Variants in CHST12 observed in about 807,000 individuals in gnomAD.
The protein encoded by CHST12 is carbohydrate (chondroitin 4) sulfotransferase 12.
CHST12 carries 23 observed loss-of-function variants against 27.9 expected under a neutral mutation model. The observed-to-expected ratio is 0.82, with a 90% CI of 0.59 to 1.17. The LOEUF (loss-of-function observed/expected upper bound fraction) is 1.17, where lower values mean the gene tolerates loss of function less well. Among genes scored for constraint, CHST12 ranks in the 50% most tolerant of loss-of-function variants. CHST12 has a pLI of 0.00. For missense variants in CHST12, 682 were observed against 603.0 expected (o/e 1.13, Z -1.37); for synonymous variants, 322 against 273.0 (o/e 1.18, Z -1.77).
Position 2,433,925 on chromosome 7 carries a change from C to T in CHST12, c.*41C>T, listed in dbSNP as rs762459051. 11 of 1,513,500 alleles carry T rather than the reference C, an allele frequency of 7.3e-6. No homozygotes were observed. The highest frequency in any genetic ancestry group is 3.9e-5 in the South Asian group (3 of 77,470). The allele number at this position is 1,513,500 out of a possible 1,614,324, so 93.8% of individuals were successfully genotyped here. On this transcript the variant is annotated 3_prime_UTR_variant, in exon 2 of 2. Transcript: ENST00000618655. This position sits in a 1 kb window ranked among gnomAD's most constrained non-coding sequence, Gnocchi z 6.1. ...TTTTTCTCGCGTGCCTGGAACCTGA[C>T]GCACGCGCACTCCAGTTTTTTTATG... is the stretch of plus-strand genomic sequence containing the variant.
chr7:2,427,465 C>T (rs1416053729), intron 1 of CHST12, among the ~76,000 whole-genome samples: 1 of 150,138 alleles, frequency 6.7e-6, no homozygotes, highest in East Asian at 2.0e-4. Flanking sequence ...TGTGCCACTG[C>T]ACTCCAGCTT....
chr7:2,441,690 CTTA>C lies in CHST12; in HGVS notation c.*7807_*7809del, dbSNP rs1782609631. The C allele has an allele frequency of 1.3e-5, 1 of 75,556 alleles. No individual in the cohort carries two copies. Among genetic ancestry groups the C allele is most frequent in the African/African-American group, 6.2e-5 (1 of 16,180 alleles). The allele number at this position is 75,556 out of a possible 1,614,324, so 4.7% of individuals were successfully genotyped here. A position where few individuals can be genotyped will look rare whatever the true frequency, so the allele number is the denominator to read the frequency against. ...CCTGGGTGACAGAGCAAGATCTTGT[CTTA>C]AAAAAAAAAAAAAAAAAAAAGGTGT... On this transcript the variant is annotated 3_prime_UTR_variant, in exon 2 of 2. Transcript: ENST00000618655.
chr7:2,421,426 T>G (rs78202437), intron 1 of CHST12, among the ~76,000 whole-genome samples: 1 of 142,280 alleles, frequency 7.0e-6, no homozygotes, highest in Non-Finnish European at 1.5e-5. Flanking sequence ...TTTAGTTTGG[T>G]TTTTTTTTTT....
At chr7:2,431,890 C>A (rs1385735791) in intron 1 of CHST12, among the ~76,000 whole-genome samples, 1 of 152,064 alleles carries the variant, frequency 6.6e-6, no homozygotes, top group African/African-American at 2.4e-5. Flanking sequence ...ACCCCTCTTA[C>A]TTATGACACC....
At chr7:2,406,944 G>A (rs895600075) in intron 1 of CHST12, among the ~76,000 whole-genome samples, 3 of 151,270 alleles carry the variant, frequency 2.0e-5, no homozygotes, top group African/African-American at 7.3e-5. Flanking sequence ...GGAGGTGAGC[G>A]AAAATATCGC....
chr7:2,429,792 C>G (rs1323178596), intron 1 of CHST12, among the ~76,000 whole-genome samples: 1 of 151,238 alleles, frequency 6.6e-6, no homozygotes, highest in African/African-American at 2.4e-5. Flanking sequence ...TTTTGTTTTT[C>G]TTTTGAGACA....
intron 1 of CHST12, among the ~76,000 whole-genome samples, chr7:2,430,054 A>G (rs747160999): frequency 1.3e-5 from 2 of 152,142 alleles, no homozygotes; most frequent in African/African-American, 4.8e-5. Flanking sequence ...AAGTGCTAGG[A>G]TTATAGGAGA....
At position 2,425,623 on chromosome 7, in the gene CHST12, G is replaced by A. The variant is rs181042260; in HGVS notation, c.-77-6940G>A. ...TGAGTCACCTGTAAGGCCCACACGC[G>A]GGACAGGTGCAGGGGGCCCACATCT... On this transcript the variant is annotated intron_variant, in intron 1 of 1. Coordinates refer to ENST00000618655, the MANE Select transcript of CHST12 (RefSeq NM_018641.5). Among the ~76,000 whole-genome samples, 10 of 152,088 alleles carry A rather than the reference G, an allele frequency of 6.6e-5. No individual in the cohort carries two copies. In the East Asian group the frequency reaches 1.5e-3, roughly 23 times the overall value.
At chr7:2,422,138 C>T (rs1275386003) in intron 1 of CHST12, among the ~76,000 whole-genome samples, 3 of 152,224 alleles carry the variant, frequency 2.0e-5, no homozygotes, top group African/African-American at 7.2e-5. Context: ...GGCGATGTGA[C>T]TGACTCCCCT....
chr7:2,428,857 C>T (rs1174183365), intron 1 of CHST12, among the ~76,000 whole-genome samples: 1 of 152,188 alleles, frequency 6.6e-6, no homozygotes, highest in African/African-American at 2.4e-5. Context: ...TGAAGCTAGA[C>T]AGCCAGTTAG....
chr7:2,432,572 A>T lies in CHST12; in HGVS notation c.-68A>T. ...GTCATTGCATCTGCAGGTTCCCAGC[A>T]GGATGCCCCGGCTCTGCAGGAAGCT... On this transcript the variant is annotated 5_prime_UTR_variant, in exon 2 of 2. Transcript: ENST00000618655. 2.0e-6 allele frequency: 3 copies of T among 1,516,546 alleles called. No homozygotes were observed. The highest frequency in any genetic ancestry group is 2.7e-6 in the Non-Finnish European group (3 of 1,123,876). The allele number at this position is 1,516,546 out of a possible 1,614,324, so 93.9% of individuals were successfully genotyped here.
chr7:2,422,851 T>A (rs558212585), intron 1 of CHST12, among the ~76,000 whole-genome samples: 3,873 of 151,950 alleles, frequency 0.025, 125 homozygotes, highest in African/African-American at 0.08. Context: ...GCTGCTTTCT[T>A]AGCCTTCAGA....
At position 2,433,914 on chromosome 7, in the gene CHST12, C is replaced by A; in HGVS notation, c.*30C>A. ...TTTCGCGTTGCTTTTTCTCGCGTGCCTGGAACCTGACGCACGCGCACTCCA... is the reference window on the plus strand; with the variant it reads ...TTTCGCGTTGCTTTTTCTCGCGTGCATGGAACCTGACGCACGCGCACTCCA... On this transcript the variant is annotated 3_prime_UTR_variant, in exon 2 of 2. Transcript: ENST00000618655. The surrounding 1 kb of genome is among the most constrained non-coding windows in gnomAD (Gnocchi z 6.1). 6.5e-7 allele frequency: 1 copy of A among 1,535,902 alleles called. No individual in the cohort carries two copies. Among genetic ancestry groups the A allele is most frequent in the Non-Finnish European group, 8.8e-7 (1 of 1,140,816 alleles).
intron 1 of CHST12, among the ~76,000 whole-genome samples, chr7:2,432,361 G>A (rs867058046): frequency 2.0e-5 from 3 of 152,030 alleles, no homozygotes; most frequent in Admixed American, 6.6e-5. Context: ...TGGCGTCCAG[G>A]GTCATTACTG....
intron 1 of CHST12, among the ~76,000 whole-genome samples, chr7:2,415,884 G>T (rs1178773198): frequency 6.6e-6 from 1 of 152,140 alleles, no homozygotes; most frequent in African/African-American, 2.4e-5. Flanking sequence ...AAAGTGCTGG[G>T]ATTACAAGCG....
rs1459470272 is a variant in CHST12 at position 2,443,728 on chromosome 7, G to C, written c.*9844G>C. 1 of 152,220 alleles carries C rather than the reference G, an allele frequency of 6.6e-6. No homozygotes were observed. The highest frequency in any genetic ancestry group is 6.5e-5 in the Admixed American group (1 of 15,274). 9.4% of individuals were successfully genotyped at this position (152,220 alleles called of 1,614,324 possible). ...GACAGAGCTGCTTCCCTCCTGTTGG[G>C]TCTCTGGCGGACAGTCAGGTATGCT... On this transcript the variant is annotated 3_prime_UTR_variant, in exon 2 of 2. Transcript: ENST00000618655.
At chr7:2,409,464 A>C (rs1781608202) in intron 1 of CHST12, among the ~76,000 whole-genome samples, 2 of 151,966 alleles carry the variant, frequency 1.3e-5, no homozygotes, top group Non-Finnish European at 2.9e-5. Context: ...AAAATACAAA[A>C]ATTAGCCAGA....
upstream of CHST12, chr7:2,403,472 C>A (rs1174336399): frequency 2.0e-5 from 3 of 151,540 alleles, no homozygotes; most frequent in Non-Finnish European, 3.0e-5. Context: ...GCTGGCCGGG[C>A]GCAGGCGCGC....
chr7:2,433,088 C>A lies in CHST12; in HGVS notation c.449C>A (p.Pro150His). ...PTKERAFDDI[P>H]NSELSHLIVD... Reference sequence around the variant, plus strand: ...AAGGAGCGCGCATTCGACGACATCCCCAACTCGGAGCTGAGCCACCTGATC... The same window carrying A: ...AAGGAGCGCGCATTCGACGACATCCACAACTCGGAGCTGAGCCACCTGATC... The change falls in exon 2 of 2, where the codon CCC (proline) becomes CAC (histidine). Residue 150 changes from proline to histidine, a missense_variant. Transcript: ENST00000618655. The surrounding 1 kb of genome is among the most constrained non-coding windows in gnomAD (Gnocchi z 6.1). The A allele has an allele frequency of 6.2e-7, 1 of 1,612,558 alleles. No individual in the cohort carries two copies. The highest frequency in any genetic ancestry group is 8.5e-7 in the Non-Finnish European group (1 of 1,179,678).
Sources: allele counts gnomAD v4.1 joint callset (sites outside exome capture counted in the v4.1 genomes callset), GRCh38; gene constraint gnomAD v4.1.1; non-coding constraint Gnocchi (gnomAD v3.1); transcripts MANE v1.5; gene names NCBI Gene and HGNC (gene_info 2026-07-23, HGNC 2026-07-21).